ANKH: variants seen among roughly 807,000 people sequenced by gnomAD.
The protein encoded by ANKH is mineralization regulator ANKH.
In ANKH, 15 loss-of-function variants were observed where a neutral mutation model predicts 49.0. That is an observed-to-expected ratio of 0.31 (90% CI 0.20 to 0.47). The LOEUF (loss-of-function observed/expected upper bound fraction) is 0.47, where lower values mean the gene tolerates loss of function less well. ANKH is among the 20% of genes least tolerant of loss of function. The pLI is 1.00. For synonymous variants in ANKH, 273 were observed against 260.0 expected (o/e 1.05, Z -0.48); for missense variants, 429 against 652.0 (o/e 0.66, Z 3.72).
At chr5:14,761,666 C>G (rs1220440847) in intron 2 of ANKH, among the ~76,000 whole-genome samples, 1 of 152,124 alleles carries the variant, frequency 6.6e-6, no homozygotes, top group Non-Finnish European at 1.5e-5. Flanking sequence ...CCATAAAATG[C>G]CATATGCTGG....
intron 2 of ANKH, among the ~76,000 whole-genome samples, chr5:14,767,384 G>A (rs1739289454): frequency 6.6e-6 from 1 of 152,188 alleles, no homozygotes; most frequent in East Asian, 1.9e-4. Flanking sequence ...CGTAGCAACT[G>A]TGGAAAACAT....
At chr5:14,719,249 TCTAAA>T (rs1424631266) in intron 8 of ANKH, among the ~76,000 whole-genome samples, 1 of 152,248 alleles carries the variant, frequency 6.6e-6, no homozygotes, top group Non-Finnish European at 1.5e-5. Flanking sequence ...ACCCTAGAAC[TCTAAA>T]CCAAACTATC....
intron 1 of ANKH, among the ~76,000 whole-genome samples, chr5:14,779,710 C>A (rs1338331135): frequency 6.6e-6 from 1 of 152,176 alleles, no homozygotes; most frequent in African/African-American, 2.4e-5. Flanking sequence ...TGGGTAGAAT[C>A]TATGAACTTA....
At chr5:14,817,169 T>C (rs1741062406) in intron 1 of ANKH, among the ~76,000 whole-genome samples, 1 of 152,148 alleles carries the variant, frequency 6.6e-6, no homozygotes. Flanking sequence ...AGGGTAGAAA[T>C]GATGAATCAA....
At chr5:14,834,078 G>C (rs1311355660) in intron 1 of ANKH, among the ~76,000 whole-genome samples, 1 of 152,074 alleles carries the variant, frequency 6.6e-6, no homozygotes, top group Non-Finnish European at 1.5e-5. Context: ...AAAGTACAGG[G>C]GCAGACTTCA....
At position 14,793,162 on chromosome 5, in the gene ANKH, A is replaced by G. The variant is rs1740260204; in HGVS notation, c.97-23971T>C. ...TAGTTACAACAAAGCCTAAAATAAA[A>G]GAGAGGTGGACACTCTTACCAAAGT... On this transcript the variant is annotated intron_variant, in intron 1 of 11. Transcript: ENST00000284268. Among the ~76,000 whole-genome samples the G allele has an allele frequency of 4.0e-5, 6 of 148,980 alleles. No homozygotes were observed. In the South Asian group the frequency reaches 1.3e-3, roughly 32 times the overall value.
At chr5:14,723,831 T>C (rs1737743108) in intron 8 of ANKH, among the ~76,000 whole-genome samples, 1 of 152,216 alleles carries the variant, frequency 6.6e-6, no homozygotes, top group South Asian at 2.1e-4. Context: ...CAGTCTCTTA[T>C]TCTGCATGAT....
chr5:14,830,638 A>T (rs1484041325), intron 1 of ANKH, among the ~76,000 whole-genome samples: 1 of 152,164 alleles, frequency 6.6e-6, no homozygotes, highest in African/African-American at 2.4e-5. Context: ...AGAGAATAAC[A>T]GCAAGTCCGA....
At chr5:14,740,125 AAAG>A (rs1195706222) in intron 8 of ANKH, among the ~76,000 whole-genome samples, 4 of 152,192 alleles carry the variant, frequency 2.6e-5, no homozygotes, top group African/African-American at 9.7e-5. Context: ...AAACAGTATG[AAAG>A]AAGACAGAGG....
intron 1 of ANKH, among the ~76,000 whole-genome samples, chr5:14,775,862 CCA>C: frequency 6.6e-6 from 1 of 152,120 alleles, no homozygotes; most frequent in African/African-American, 2.4e-5. Context: ...ACAGGGGCTG[CCA>C]CTGGCCTTTG....
At chr5:14,867,235 A>G (rs1735673924) in intron 1 of ANKH, among the ~76,000 whole-genome samples, 1 of 152,054 alleles carries the variant, frequency 6.6e-6, no homozygotes, top group Non-Finnish European at 1.5e-5. Flanking sequence ...CAGAAAAGCT[A>G]GAACTTATTC....
intron 3 of ANKH, among the ~76,000 whole-genome samples, chr5:14,756,791 G>A (rs560133125): frequency 6.6e-6 from 1 of 152,238 alleles, no homozygotes; most frequent in Non-Finnish European, 1.5e-5. Flanking sequence ...CCAGGGGTGA[G>A]GGGGTGGGGA....
In ANKH at chr5:14,871,526, A is replaced by C; in HGVS notation, c.-79T>G. Reference sequence around the variant, plus strand: ...CGGGGAGGCGAGGGGCGACGGGGCGACGGGGCGAGCGGGGCGCGGGCCGAC... The same window carrying C: ...CGGGGAGGCGAGGGGCGACGGGGCGCCGGGGCGAGCGGGGCGCGGGCCGAC... On this transcript the variant is annotated 5_prime_UTR_variant, in exon 1 of 12. Transcript: ENST00000284268. 1 of 1,064,898 alleles carries C rather than the reference A, an allele frequency of 9.4e-7. No homozygotes were observed. The highest frequency in any genetic ancestry group is 1.3e-6 in the Non-Finnish European group (1 of 762,972). 66.0% of individuals were successfully genotyped at this position (1,064,898 alleles called of 1,614,324 possible). A position where few individuals can be genotyped will look rare whatever the true frequency, so the allele number is the denominator to read the frequency against.
intron 1 of ANKH, among the ~76,000 whole-genome samples, chr5:14,844,234 C>A (rs1437787891): frequency 6.6e-6 from 1 of 152,166 alleles, no homozygotes; most frequent in Non-Finnish European, 1.5e-5. Context: ...GTCTTATGTA[C>A]CTCTCCTATA....
intron 11 of ANKH, 50 bp downstream of exon 11, chr5:14,712,824 G>A (rs1561017778): frequency 3.3e-6 from 5 of 1,533,976 alleles, no homozygotes; most frequent in Non-Finnish European, 4.4e-6. Flanking sequence ...AGGTTCTCCT[G>A]CACCCAGGAG....
chr5:14,789,970 A>G (rs1740112092), intron 1 of ANKH, among the ~76,000 whole-genome samples: 1 of 152,160 alleles, frequency 6.6e-6, no homozygotes, highest in African/African-American at 2.4e-5. Flanking sequence ...TCGGCCTCCC[A>G]AAGTGCTGGG....
At position 14,710,750 on chromosome 5, in the gene ANKH, A is replaced by G. The variant is rs964349515; in HGVS notation, c.*447T>C. Reference sequence around the variant, plus strand: ...TTGTACGGCCATGTGACTGGGAAGCAAATCAAAGGAAGCCGAGTTTTAACC... The same window carrying G: ...TTGTACGGCCATGTGACTGGGAAGCGAATCAAAGGAAGCCGAGTTTTAACC... On this transcript the variant is annotated 3_prime_UTR_variant, in exon 12 of 12. Transcript: ENST00000284268. 5.0e-6 allele frequency: 1 copy of G among 198,368 alleles called. No individual in the cohort carries two copies. The allele number at this position is 198,368 out of a possible 1,614,324, so 12.3% of individuals were successfully genotyped here.
intron 1 of ANKH, among the ~76,000 whole-genome samples, chr5:14,771,453 G>A (rs1338512871): frequency 1.3e-5 from 2 of 152,092 alleles, no homozygotes; most frequent in East Asian, 1.9e-4. Context: ...TCTCCTGTCC[G>A]GCCTGCCACC....
intron 1 of ANKH, among the ~76,000 whole-genome samples, chr5:14,839,933 A>T (rs1741769692): frequency 6.6e-6 from 1 of 152,308 alleles, no homozygotes; most frequent in South Asian, 2.1e-4. Flanking sequence ...ATCATAGAAA[A>T]TTACCAATGT....
Sources: allele counts gnomAD v4.1 joint callset (sites outside exome capture counted in the v4.1 genomes callset), GRCh38; gene constraint gnomAD v4.1.1; transcripts MANE v1.5; gene names NCBI Gene and HGNC (gene_info 2026-07-23, HGNC 2026-07-21).